Variants in ZNF782 observed in about 807,000 individuals in gnomAD.
The protein encoded by ZNF782 is zinc finger protein 782.
Under a neutral mutation model 13.0 loss-of-function variants are expected in ZNF782, and 12 were observed. The observed-to-expected ratio is 0.92, with a 90% CI of 0.59 to 1.50. ZNF782 has a LOEUF of 1.50. Ranked by LOEUF, ZNF782 falls within the 40% of genes most tolerant of loss-of-function variation. The probability of loss-of-function intolerance (pLI) is 0.00; values close to 1 mark genes in which losing one functional copy is unlikely to be tolerated. For synonymous variants in ZNF782, 284 were observed against 283.0 expected, an observed-to-expected ratio of 1.00 and a Z score of -0.04; for missense variants, 770 against 822.9, an observed-to-expected ratio of 0.94 and a Z score of 0.79.
chr9:96,886,461 AATTTT>A, the ZNF782 span, among the ~76,000 whole-genome samples: 1 of 152,224 alleles, frequency 6.6e-6, no homozygotes, highest in African/African-American at 2.4e-5. Flanking sequence ...ATGCCACAGA[AATTTT>A]ATTTTAAAAG....
chr9:96,903,021 T>C, the ZNF782 span: 3 of 148,976 alleles, frequency 2.0e-5, no homozygotes, highest in Non-Finnish European at 4.4e-5. Context: ...CACGCTGGTC[T>C]TAAAACTCCT....
At chr9:96,840,605 G>A (rs528525898) in intron 4 of ZNF782, among the ~76,000 whole-genome samples, 1 of 151,970 alleles carries the variant, frequency 6.6e-6, no homozygotes, top group South Asian at 2.1e-4. Flanking sequence ...ATCAAAAAGT[G>A]GATATTAATT....
chr9:96,911,511 TTTTTG>T, the ZNF782 span, among the ~76,000 whole-genome samples: 6 of 142,702 alleles, frequency 4.2e-5, no homozygotes, highest in Non-Finnish European at 9.2e-5. Context: ...TTTTTTTTTG[TTTTTG>T]TTTTGTTTTG....
At position 96,850,854 on chromosome 9, in the gene ZNF782, T is replaced by C. The variant is rs1440633825; in HGVS notation, c.15+1093A>G. Among the ~76,000 whole-genome samples, 3 of 152,218 alleles carry C rather than the reference T, an allele frequency of 2.0e-5. No homozygotes were observed. Among genetic ancestry groups the C allele is most frequent in the Non-Finnish European group, 4.4e-5 (3 of 68,022 alleles). On this transcript the variant is annotated intron_variant, in intron 3 of 5. Coordinates refer to ENST00000481138, the MANE Select transcript of ZNF782 (RefSeq NM_001001662.3). The surrounding 1 kb of genome is among the most constrained non-coding windows in gnomAD (Gnocchi z 4.3). ...TGAAAATTTCAAATACGTTTTGTATTAAAATTGAAAAATCTTTCCAGTTTT... is the reference window on the plus strand; with the variant it reads ...TGAAAATTTCAAATACGTTTTGTATCAAAATTGAAAAATCTTTCCAGTTTT...
chr9:96,852,505 G>C (rs1851525769), intron 2 of ZNF782, among the ~76,000 whole-genome samples: 2 of 152,128 alleles, frequency 1.3e-5, no homozygotes, highest in South Asian at 2.1e-4. Flanking sequence ...AAATTAGCCA[G>C]GTGTGGTGGC....
upstream of ZNF782, among the ~76,000 whole-genome samples, chr9:96,879,969 C>CTT (rs969128805): frequency 7.9e-5 from 12 of 151,652 alleles, no homozygotes; most frequent in African/African-American, 2.4e-4. Context: ...AATTTGTATG[C>CTT]CTTTTCTTTT....
At chr9:96,880,912 G>A in the ZNF782 span, among the ~76,000 whole-genome samples, 1 of 152,032 alleles carries the variant, frequency 6.6e-6, no homozygotes. Context: ...ATCTATGCCT[G>A]GAGATTTCCT....
At chr9:96,867,334 T>C (rs1259515341) in intron 1 of ZNF782, among the ~76,000 whole-genome samples, 2 of 152,160 alleles carry the variant, frequency 1.3e-5, no homozygotes. Flanking sequence ...TACAAGCTTT[T>C]CTCTGCCTGC....
the ZNF782 span, among the ~76,000 whole-genome samples, chr9:96,883,493 C>A: frequency 6.6e-6 from 1 of 151,720 alleles, no homozygotes; most frequent in Non-Finnish European, 1.5e-5. Context: ...AGGATAGGGA[C>A]AACAAAGGTG....
the ZNF782 span, among the ~76,000 whole-genome samples, chr9:96,907,421 C>T: frequency 1.1e-4 from 16 of 152,138 alleles, no homozygotes; most frequent in Non-Finnish European, 2.4e-4. Context: ...AAATTAGTTG[C>T]ACAACAATAT....
At chr9:96,921,186 T>A in the ZNF782 span, among the ~76,000 whole-genome samples, 1 of 149,980 alleles carries the variant, frequency 6.7e-6, no homozygotes, top group Admixed American at 6.6e-5. Flanking sequence ...CTTTTTTTTT[T>A]TATAGTATGG....
At chr9:96,932,978 C>CTTTTCTT in the ZNF782 span, among the ~76,000 whole-genome samples, 1 of 129,430 alleles carries the variant, frequency 7.7e-6, no homozygotes, top group African/African-American at 2.9e-5. Flanking sequence ...CTTTTCTTTT[C>CTTTTCTT]TTTTTTTTTT....
chr9:96,903,918 T>G, the ZNF782 span, among the ~76,000 whole-genome samples: 1 of 151,958 alleles, frequency 6.6e-6, no homozygotes. Context: ...GGTCATATAG[T>G]AAGTATATGT....
intron 3 of ZNF782, among the ~76,000 whole-genome samples, chr9:96,846,144 CT>C (rs750261567): frequency 2.6e-5 from 4 of 152,152 alleles, no homozygotes; most frequent in African/African-American, 4.8e-5. Flanking sequence ...CAAATGCATG[CT>C]GAGGGACTTT....
Position 96,817,868 on chromosome 9 carries a change from T to G in ZNF782, c.*55A>C, listed in dbSNP as rs867599653. The G allele has an allele frequency of 6.9e-7, 1 of 1,443,462 alleles. No individual in the cohort carries two copies. Among genetic ancestry groups the G allele is most frequent in the African/African-American group, 1.4e-5 (1 of 69,880 alleles). The allele number at this position is 1,443,462 out of a possible 1,614,324, so 89.4% of individuals were successfully genotyped here. A position where few individuals can be genotyped will look rare whatever the true frequency, so the allele number is the denominator to read the frequency against. On this transcript the variant is annotated 3_prime_UTR_variant, in exon 6 of 6. Transcript: ENST00000481138. Reference sequence around the variant, plus strand: ...TCTCTCCTGTGTGTTCATTTATGTATTGTGAGGTTTGATTTCCAGCTCAGA... The same window carrying G: ...TCTCTCCTGTGTGTTCATTTATGTAGTGTGAGGTTTGATTTCCAGCTCAGA...
exon 1 of ZNF782, chr9:96,875,469 G>C (rs1851881566): frequency 2.2e-6 from 1 of 456,558 alleles, no homozygotes; most frequent in South Asian, 1.5e-5. Context: ...CCCGCTTACA[G>C]GTAATAAAGC....
At chr9:96,887,552 C>G in the ZNF782 span, 4 of 152,126 alleles carry the variant, frequency 2.6e-5, no homozygotes, top group South Asian at 6.2e-4. Context: ...AATACAATGA[C>G]ATAGGTAGAC....
At chr9:96,910,869 C>G in the ZNF782 span, among the ~76,000 whole-genome samples, 5 of 150,400 alleles carry the variant, frequency 3.3e-5, no homozygotes, top group African/African-American at 1.2e-4. Context: ...ATCTCCTGAC[C>G]TCGTGATCCA....
At chr9:96,829,487 A>T (rs1850730160) in intron 4 of ZNF782, among the ~76,000 whole-genome samples, 1 of 152,192 alleles carries the variant, frequency 6.6e-6, no homozygotes, top group African/African-American at 2.4e-5. Flanking sequence ...AATCCTGATG[A>T]AACTGGAAGA....
Sources: allele counts gnomAD v4.1 joint callset (sites outside exome capture counted in the v4.1 genomes callset), GRCh38; gene constraint gnomAD v4.1.1; non-coding constraint Gnocchi (gnomAD v3.1); transcripts MANE v1.5; gene names NCBI Gene and HGNC (gene_info 2026-07-23, HGNC 2026-07-21).